SRGAP1: variants seen among roughly 807,000 people sequenced by gnomAD.
SRGAP1 encodes the protein SLIT-ROBO Rho GTPase activating protein 1, also known as SLIT-ROBO Rho GTPase-activating protein 1.
Under a neutral mutation model 121.9 loss-of-function variants are expected in SRGAP1, and 43 were observed. The ratio of observed to expected loss-of-function variants is 0.35; its 90% CI spans 0.28 to 0.46. SRGAP1 has a LOEUF of 0.46. SRGAP1 is among the 20% of genes least tolerant of loss of function. SRGAP1 has a pLI of 1.00. For missense variants in SRGAP1, 1,102 were observed against 1,350.9 expected, an observed-to-expected ratio of 0.82 and a Z score of 2.89; for synonymous variants, 447 against 485.4, an observed-to-expected ratio of 0.92 and a Z score of 1.04.
intron 1 of SRGAP1, among the ~76,000 whole-genome samples, chr12:63,863,672 C>T (rs1899531311): frequency 1.3e-5 from 2 of 152,204 alleles, no homozygotes; most frequent in African/African-American, 4.8e-5. Context: ...TGAAAGATTT[C>T]CAGACTATTG....
At chr12:64,130,077 G>A (rs887607794) in intron 21 of SRGAP1, among the ~76,000 whole-genome samples, 7 of 152,088 alleles carry the variant, frequency 4.6e-5, no homozygotes, top group Non-Finnish European at 7.3e-5. Flanking sequence ...GCCTGGATTG[G>A]GCTATTGTAG....
intron 1 of SRGAP1, among the ~76,000 whole-genome samples, chr12:63,859,101 G>A (rs1384423127): frequency 6.6e-6 from 1 of 152,154 alleles, no homozygotes; most frequent in Non-Finnish European, 1.5e-5. Context: ...TAAAAACATA[G>A]GCTGATCTGT....
chr12:64,111,398 TC>T (rs1419259801), intron 16 of SRGAP1, among the ~76,000 whole-genome samples: 1 of 152,138 alleles, frequency 6.6e-6, no homozygotes, highest in Non-Finnish European at 1.5e-5. Context: ...TTTAAAGACA[TC>T]CATAAAGCTT....
At chr12:64,051,307 C>T (rs1171496318) in intron 6 of SRGAP1, among the ~76,000 whole-genome samples, 3 of 152,134 alleles carry the variant, frequency 2.0e-5, no homozygotes, top group Non-Finnish European at 4.4e-5. Flanking sequence ...GATGTGACTT[C>T]GATTTCCTAC....
At chr12:63,899,516 T>G (rs1425025308) in intron 1 of SRGAP1, among the ~76,000 whole-genome samples, 2 of 152,168 alleles carry the variant, frequency 1.3e-5, no homozygotes, top group African/African-American at 4.8e-5. Flanking sequence ...GCACAGCTAC[T>G]TGGTGGAAGT....
intron 6 of SRGAP1, among the ~76,000 whole-genome samples, chr12:64,053,362 G>T (rs1249465055): frequency 1.3e-5 from 2 of 152,176 alleles, no homozygotes; most frequent in Non-Finnish European, 2.9e-5. Context: ...CTGCGGGCTG[G>T]ATTTGGCTCA....
chr12:63,947,260 A>G (rs746727416), intron 1 of SRGAP1, among the ~76,000 whole-genome samples: 3 of 152,182 alleles, frequency 2.0e-5, no homozygotes, highest in Non-Finnish European at 4.4e-5. Flanking sequence ...CCAGATGTCT[A>G]TGAGAGTTAC....
chr12:63,873,570 G>A (rs1899928594), intron 1 of SRGAP1, among the ~76,000 whole-genome samples: 1 of 151,230 alleles, frequency 6.6e-6, no homozygotes, highest in South Asian at 2.1e-4. Flanking sequence ...AAAAAAAACT[G>A]AGGAAAGTTG....
At position 64,148,294 on chromosome 12, in the gene SRGAP1, T is replaced by A. The variant is rs1458073537; in HGVS notation, c.*5622T>A. On this transcript the variant is annotated 3_prime_UTR_variant, in exon 22 of 22. Transcript: ENST00000355086. The stretch of plus-strand genomic sequence containing the variant: ...GTATTTTTCTTTACTTTTTTTTTTT[T>A]TTTTTTGAGACGAATCTCTCTGTGT... The A allele has an allele frequency of 6.6e-6, 1 of 150,954 alleles. No homozygotes were observed. The highest frequency in any genetic ancestry group is 3.4e-3 in the Middle Eastern group (1 of 292). 9.4% of individuals were successfully genotyped at this position (150,954 alleles called of 1,614,324 possible).
At chr12:64,042,466 A>G (rs1232689029) in intron 4 of SRGAP1, among the ~76,000 whole-genome samples, 1 of 152,184 alleles carries the variant, frequency 6.6e-6, no homozygotes, top group Non-Finnish European at 1.5e-5. Context: ...CAAATTAATA[A>G]TGTAGAGGAG....
In SRGAP1 at chr12:64,097,222, G is replaced by GTTTTTTT; in HGVS notation, c.1679-9_1679-3dup. On this transcript the variant is annotated intron_variant, in intron 14 of 21. Coordinates refer to ENST00000355086, the MANE Select transcript of SRGAP1 (RefSeq NM_020762.4). ...AAAAGAAGCACTGTTAATGTAATGAGTTTTTTTTTTTTTTTTAGGTGAAAA... is the reference window on the plus strand; with the variant it reads ...AAAAGAAGCACTGTTAATGTAATGAGTTTTTTTTTTTTTTTTTTTTTTTAGGTGAAAA... 6.9e-7 allele frequency: 1 copy of GTTTTTTT among 1,459,422 alleles called. No individual in the cohort carries two copies. Among genetic ancestry groups the GTTTTTTT allele is most frequent in the Admixed American group, 2.4e-5 (1 of 41,886 alleles). 90.4% of individuals were successfully genotyped at this position (1,459,422 alleles called of 1,614,324 possible).
intron 1 of SRGAP1, among the ~76,000 whole-genome samples, chr12:63,948,153 A>AG (rs775341349): frequency 2.6e-5 from 4 of 152,170 alleles, no homozygotes; most frequent in Non-Finnish European, 4.4e-5. Context: ...AATAAAATGG[A>AG]GGTCTTTATA....
At chr12:64,030,283 G>A (rs1007758051) in intron 4 of SRGAP1, among the ~76,000 whole-genome samples, 1 of 152,172 alleles carries the variant, frequency 6.6e-6, no homozygotes, top group Non-Finnish European at 1.5e-5. Flanking sequence ...AGAAACTTTT[G>A]ATGAATATGA....
At chr12:63,902,405 C>G (rs1253870589) in intron 1 of SRGAP1, among the ~76,000 whole-genome samples, 1 of 152,100 alleles carries the variant, frequency 6.6e-6, no homozygotes, top group Non-Finnish European at 1.5e-5. Context: ...AGCTGAAGCT[C>G]AAAGAGATTA....
intron 8 of SRGAP1, among the ~76,000 whole-genome samples, chr12:64,068,498 C>T (rs1343241791): frequency 2.7e-5 from 4 of 150,412 alleles, no homozygotes; most frequent in African/African-American, 7.3e-5. Flanking sequence ...CCGTGCCCGG[C>T]TGATTTTTGT....
chr12:63,913,480 T>TATATATATATATATATATATATTG (rs1439123798), intron 1 of SRGAP1, among the ~76,000 whole-genome samples: 1 of 108,626 alleles, frequency 9.2e-6, no homozygotes, highest in Non-Finnish European at 1.9e-5. Flanking sequence ...TATATATGGA[T>TATATATATATATATATATATATTG]ATATATATAT....
At chr12:64,024,065 C>T (rs2034604130) in intron 4 of SRGAP1, among the ~76,000 whole-genome samples, 1 of 152,200 alleles carries the variant, frequency 6.6e-6, no homozygotes, top group South Asian at 2.1e-4. Context: ...CTTGTAAAAA[C>T]ATGAGCTTTC....
chr12:64,065,094 A>G (rs535564182), intron 7 of SRGAP1, 24 bp from the exon 8 acceptor site: 30 of 1,596,340 alleles, frequency 1.9e-5, no homozygotes, highest in Non-Finnish European at 2.5e-5. Flanking sequence ...GCCCTGTTGT[A>G]ACTGGTTTCT....
rs558618302 is a variant in SRGAP1, at chr12:64,156,129, T to C, written c.*13457T>C. ...GAGCCAGTATCTGGACCTAGATCTA[T>C]TGCCTACAGAGCCGCACGTTTAACT... On this transcript the variant is annotated 3_prime_UTR_variant, in exon 22 of 22. Coordinates refer to ENST00000355086, the MANE Select transcript of SRGAP1 (RefSeq NM_020762.4). The C allele has an allele frequency of 6.6e-6, 1 of 152,316 alleles. No homozygotes were observed. The highest frequency in any genetic ancestry group is 2.4e-5 in the African/African-American group (1 of 41,580). 9.4% of individuals were successfully genotyped at this position (152,316 alleles called of 1,614,324 possible).
Sources: gnomAD v4.1 joint callset for allele counts (sites outside exome capture counted in the v4.1 genomes callset) on GRCh38, gnomAD v4.1.1 for gene constraint, MANE v1.5 for transcripts, NCBI Gene and HGNC (gene_info 2026-07-23, HGNC 2026-07-21) for gene names.